IMMP2L: variants seen among roughly 807,000 people sequenced by gnomAD.
The protein encoded by IMMP2L is inner mitochondrial membrane peptidase subunit 2, also known as mitochondrial inner membrane protease subunit 2.
Under a neutral mutation model 19.3 loss-of-function variants are expected in IMMP2L, and 18 were observed. That is an observed-to-expected ratio of 0.93 (90% CI 0.64 to 1.38). The LOEUF (loss-of-function observed/expected upper bound fraction) is 1.38. Among genes scored for constraint, IMMP2L ranks in the 40% most tolerant of loss-of-function variants. The pLI is 0.00. For missense variants in IMMP2L, 233 were observed against 218.2 expected (o/e 1.07, Z -0.43); for synonymous variants, 76 against 73.0 (o/e 1.04, Z -0.21).
intron 3 of IMMP2L, among the ~76,000 whole-genome samples, chr7:111,120,234 G>C (rs1484674650): frequency 1.3e-5 from 2 of 152,066 alleles, no homozygotes; most frequent in African/African-American, 4.8e-5. Context: ...TGCTAATAGA[G>C]ACATATCCAA....
rs112969531 is a variant in IMMP2L at position 110,979,363 on chromosome 7, T to A, written c.240-15798A>T. On this transcript the variant is annotated intron_variant, in intron 3 of 5. Coordinates refer to ENST00000405709, the MANE Select transcript of IMMP2L (RefSeq NM_032549.4). ...ATGGTTAGTAGCATTTTAGTATTTATCTTTTCTCATTGTTTTCTAACTCTA... is the reference window on the plus strand; with the variant it reads ...ATGGTTAGTAGCATTTTAGTATTTAACTTTTCTCATTGTTTTCTAACTCTA... Among the ~76,000 whole-genome samples the A allele has an allele frequency of 9.3e-3, 1,423 of 152,276 alleles. 24 individuals are homozygous for A. The highest frequency in any genetic ancestry group is 0.032 in the African/African-American group (1,341 of 41,578).
At chr7:111,448,773 G>A (rs1838804519) in intron 3 of IMMP2L, among the ~76,000 whole-genome samples, 2 of 104,386 alleles carry the variant, frequency 1.9e-5, no homozygotes, top group Non-Finnish European at 3.9e-5. Flanking sequence ...TCCAGGAGCT[G>A]GTTTTTTGAA....
At chr7:110,819,407 G>A (rs1409810090) in intron 5 of IMMP2L, among the ~76,000 whole-genome samples, 1 of 151,966 alleles carries the variant, frequency 6.6e-6, no homozygotes, top group African/African-American at 2.4e-5. Flanking sequence ...ATATATTTTG[G>A]CTGAAGTGCA....
intron 3 of IMMP2L, among the ~76,000 whole-genome samples, chr7:110,975,536 G>A (rs1820599288): frequency 6.6e-6 from 1 of 152,108 alleles, no homozygotes; most frequent in Admixed American, 6.6e-5. Flanking sequence ...CCTTAGCTTT[G>A]GAGAATGCAT....
chr7:111,239,270 CAT>C (rs1199029170), intron 3 of IMMP2L, among the ~76,000 whole-genome samples: 2 of 151,918 alleles, frequency 1.3e-5, no homozygotes, highest in African/African-American at 2.4e-5. Context: ...TTTCCTTACA[CAT>C]ATGTCACATA....
intron 3 of IMMP2L, among the ~76,000 whole-genome samples, chr7:111,157,386 C>T (rs890030317): frequency 6.6e-6 from 1 of 152,032 alleles, no homozygotes; most frequent in Non-Finnish European, 1.5e-5. Flanking sequence ...GTGGAGTACT[C>T]TTCAGCCATA....
At chr7:111,229,714 T>C (rs1813517690) in intron 3 of IMMP2L, among the ~76,000 whole-genome samples, 1 of 152,000 alleles carries the variant, frequency 6.6e-6, no homozygotes, top group Admixed American at 6.6e-5. Context: ...TTATCGTATA[T>C]ATTAAAATAA....
chr7:111,471,295 A>G (rs1178790746), intron 3 of IMMP2L, among the ~76,000 whole-genome samples: 1 of 152,138 alleles, frequency 6.6e-6, no homozygotes, highest in East Asian at 1.9e-4. Flanking sequence ...TTACCCGCAA[A>G]TCTTGACAGA....
intron 3 of IMMP2L, among the ~76,000 whole-genome samples, chr7:111,294,731 G>A (rs1247218214): frequency 1.3e-5 from 2 of 151,766 alleles, no homozygotes; most frequent in Non-Finnish European, 2.9e-5. Context: ...AGATGCAAGC[G>A]CCATGTAATG....
intron 5 of IMMP2L, among the ~76,000 whole-genome samples, chr7:110,703,976 G>A (rs112721398): frequency 6.6e-6 from 1 of 151,764 alleles, no homozygotes; most frequent in African/African-American, 2.4e-5. Flanking sequence ...CTCCCGAGTA[G>A]CTGGGACTAC....
chr7:110,915,212 G>C (rs1437293776), intron 4 of IMMP2L, among the ~76,000 whole-genome samples: 1 of 152,176 alleles, frequency 6.6e-6, no homozygotes, highest in Non-Finnish European at 1.5e-5. Flanking sequence ...TAGATTATCA[G>C]ATAAACAAAA....
chr7:111,514,706 C>T (rs561120436), intron 2 of IMMP2L, among the ~76,000 whole-genome samples: 1 of 152,110 alleles, frequency 6.6e-6, no homozygotes, highest in South Asian at 2.1e-4. Context: ...TAATCCATCA[C>T]CTAGAGCCAA....
At chr7:111,466,859 T>C (rs1342220753) in intron 3 of IMMP2L, among the ~76,000 whole-genome samples, 1 of 152,150 alleles carries the variant, frequency 6.6e-6, no homozygotes, top group Non-Finnish European at 1.5e-5. Context: ...GTATTAGGTG[T>C]CCTAAGTAAT....
Position 110,760,919 on chromosome 7 carries a change from A to G in IMMP2L, c.409-97198T>C, listed in dbSNP as rs1184778797. On this transcript the variant is annotated intron_variant, in intron 5 of 5. Coordinates refer to ENST00000405709, the MANE Select transcript of IMMP2L (RefSeq NM_032549.4). This position sits in a 1 kb window ranked among gnomAD's most constrained non-coding sequence, Gnocchi z 4.2. ...GAGCCAGAGAAGTCAAACCAGATGT[A>G]TAAGTGACATAAGTGGGTTGGAGAA... 6.6e-6 allele frequency among the ~76,000 whole-genome samples: 1 copy of G among 152,130 alleles called. No individual in the cohort carries two copies. The highest frequency in any genetic ancestry group is 1.5e-5 in the Non-Finnish European group (1 of 68,020).
chr7:111,157,244 A>T (rs1804742634), intron 3 of IMMP2L, among the ~76,000 whole-genome samples: 1 of 152,112 alleles, frequency 6.6e-6, no homozygotes, highest in Non-Finnish European at 1.5e-5. Flanking sequence ...CACAGGAAGG[A>T]AATCAATACA....
At chr7:111,163,191 A>T (rs1489470905) in intron 3 of IMMP2L, among the ~76,000 whole-genome samples, 1 of 152,032 alleles carries the variant, frequency 6.6e-6, no homozygotes, top group Non-Finnish European at 1.5e-5. Flanking sequence ...TTAAGGCCCA[A>T]CTTCGAGTGG....
intron 3 of IMMP2L, among the ~76,000 whole-genome samples, chr7:111,346,630 A>G (rs183949642): frequency 5.9e-5 from 9 of 152,242 alleles, no homozygotes; most frequent in African/African-American, 2.2e-4. Flanking sequence ...ACATGGACAG[A>G]TAAACAGAAA....
At chr7:111,219,439 T>A (rs146399371) in intron 3 of IMMP2L, among the ~76,000 whole-genome samples, 42 of 152,126 alleles carry the variant, frequency 2.8e-4, no homozygotes, top group African/African-American at 9.6e-4. Context: ...TATTAATATT[T>A]CTGCATTGGT....
intron 4 of IMMP2L, among the ~76,000 whole-genome samples, chr7:110,921,574 A>T (rs259008): frequency 6.6e-6 from 1 of 151,948 alleles, no homozygotes; most frequent in Non-Finnish European, 1.5e-5. Flanking sequence ...TAAAGTGCAC[A>T]TAAGAATTCT....
Sources: gnomAD v4.1 joint callset for allele counts (sites outside exome capture counted in the v4.1 genomes callset) on GRCh38, gnomAD v4.1.1 for gene constraint, Gnocchi (gnomAD v3.1) non-coding constraint, MANE v1.5 for transcripts, NCBI Gene and HGNC (gene_info 2026-07-23, HGNC 2026-07-21) for gene names.